Variants in PGAP1 observed in about 807,000 individuals in gnomAD.
PGAP1 encodes the protein GPI inositol-deacylase.
A neutral mutation model predicts 127.0 loss-of-function variants in PGAP1; 76 were observed. That is an observed-to-expected ratio of 0.60 (90% CI 0.50 to 0.72). PGAP1 has a LOEUF of 0.72. Among genes scored for constraint, PGAP1 ranks in the 30% least tolerant of loss-of-function variants. The pLI is 0.00. For missense variants in PGAP1, 982 were observed against 1,071.3 expected, an observed-to-expected ratio of 0.92 and a Z score of 1.16; for synonymous variants, 362 against 366.5, an observed-to-expected ratio of 0.99 and a Z score of 0.14.
At chr2:196,849,476 G>T (rs371037563) in intron 20 of PGAP1, among the ~76,000 whole-genome samples, 2 of 149,900 alleles carry the variant, frequency 1.3e-5, no homozygotes, top group Non-Finnish European at 3.0e-5. Flanking sequence ...GGGTTTCACC[G>T]TGTTAGCTAG....
intron 17 of PGAP1, 186 bp downstream of exon 17, chr2:196,872,774 T>C: frequency 1.8e-6 from 1 of 562,152 alleles, no homozygotes; most frequent in Admixed American, 3.5e-5. Flanking sequence ...TCCAAGGAAG[T>C]AAAGTTTAAG....
intron 19 of PGAP1, among the ~76,000 whole-genome samples, chr2:196,866,704 A>C (rs1259260655): frequency 6.6e-6 from 1 of 152,138 alleles, no homozygotes; most frequent in Non-Finnish European, 1.5e-5. Context: ...ATGGGGGAAA[A>C]TTTTTGCAAT....
At chr2:196,878,051 T>A (rs1156978585) in intron 13 of PGAP1, among the ~76,000 whole-genome samples, 1 of 152,048 alleles carries the variant, frequency 6.6e-6, no homozygotes, top group African/African-American at 2.4e-5. Context: ...CTGGGTGAAA[T>A]AGGAAAAGGG....
chr2:196,871,692 G>C (rs1044068549), intron 18 of PGAP1, among the ~76,000 whole-genome samples: 2 of 152,144 alleles, frequency 1.3e-5, no homozygotes, highest in Non-Finnish European at 2.9e-5. Context: ...AACTTGGCTG[G>C]AGGAACAGAT....
intron 19 of PGAP1, among the ~76,000 whole-genome samples, chr2:196,865,633 T>C (rs190703998): frequency 4.6e-5 from 7 of 152,316 alleles, no homozygotes; most frequent in Admixed American, 3.9e-4. Context: ...TATTAACTCA[T>C]ATATAACAAG....
chr2:196,926,329 C>G, intron 1 of PGAP1, 141 bp downstream of exon 1: 1 of 1,305,742 alleles, frequency 7.7e-7, no homozygotes, highest in Non-Finnish European at 1.0e-6. Context: ...AGAGTCTCCC[C>G]GGGCGGAGAA....
rs886881368 is a variant in PGAP1, at chr2:196,902,624, T to A, written c.768A>T (p.Leu256=). Reference sequence around the variant, plus strand: ...CACTGGTATGATGGCTTAATTTTGGTAGAAAAGTCAATCCTGAACGAACTT... The same window carrying A: ...CACTGGTATGATGGCTTAATTTTGGAAGAAAAGTCAATCCTGAACGAACTT... ...DYQVRSGLTF[L]PKLSHHTSAL... is the part of the protein sequence containing the mutation. Residue 256 remains leucine, a synonymous_variant, in exon 5 of 27, where the codon CTA becomes CTT. Transcript: ENST00000354764. The A allele has an allele frequency of 1.2e-5, 20 of 1,613,340 alleles. No individual in the cohort carries two copies. Among genetic ancestry groups the A allele is most frequent in the Non-Finnish European group, 1.7e-5 (20 of 1,179,770 alleles).
intron 13 of PGAP1, among the ~76,000 whole-genome samples, chr2:196,879,814 T>G (rs952250451): frequency 6.6e-6 from 1 of 152,196 alleles, no homozygotes; most frequent in Non-Finnish European, 1.5e-5. Context: ...TATGAATTAT[T>G]ATTATGTGCC....
chr2:196,873,471 A>G (rs1427314887), intron 16 of PGAP1, 57 bp downstream of exon 16: 2 of 1,306,120 alleles, frequency 1.5e-6, no homozygotes, highest in Non-Finnish European at 2.2e-6. Context: ...GTTAACACCT[A>G]TTGAGTCTTC....
At chr2:196,868,494 T>C (rs1315283365) in intron 19 of PGAP1, among the ~76,000 whole-genome samples, 2 of 152,244 alleles carry the variant, frequency 1.3e-5, no homozygotes, top group Non-Finnish European at 2.9e-5. Flanking sequence ...TAGTGCAGTA[T>C]TTCTTTAAAT....
intron 4 of PGAP1, among the ~76,000 whole-genome samples, chr2:196,907,288 G>A (rs1366727044): frequency 1.5e-4 from 1 of 6,798 alleles, no homozygotes; most frequent in South Asian, 3.6e-3. Context: ...GAGAGTGGGG[G>A]CCAATATTCA....
intron 20 of PGAP1, 42 bp downstream of exon 20, chr2:196,864,945 T>C (rs1412543019): frequency 9.0e-6 from 10 of 1,111,668 alleles, no homozygotes; most frequent in Non-Finnish European, 1.3e-5. Context: ...TCTACTTTAA[T>C]ATTCATAACA....
At chr2:196,895,881 A>G (rs1420785668) in intron 7 of PGAP1, among the ~76,000 whole-genome samples, 1 of 152,226 alleles carries the variant, frequency 6.6e-6, no homozygotes, top group East Asian at 1.9e-4. Flanking sequence ...CCGGGCTGCA[A>G]TGCTTTGCCA....
At chr2:196,861,977 A>G (rs1701083688) in intron 20 of PGAP1, among the ~76,000 whole-genome samples, 1 of 151,448 alleles carries the variant, frequency 6.6e-6, no homozygotes, top group South Asian at 2.1e-4. Context: ...TTAACTGCAC[A>G]AATTGTACAG....
rs192990117 is a variant in PGAP1 at position 196,879,371 on chromosome 2, C to T, written c.1350+705G>A. ...TCTGCTCCAGTTACATTTCTCTCCCCCTTCCCAATAGTATGTAGCTTTTTA... is the reference window on the plus strand; with the variant it reads ...TCTGCTCCAGTTACATTTCTCTCCCTCTTCCCAATAGTATGTAGCTTTTTA... On this transcript the variant is annotated intron_variant, in intron 13 of 26. Coordinates refer to ENST00000354764, the MANE Select transcript of PGAP1 (RefSeq NM_024989.4). 4.6e-5 allele frequency among the ~76,000 whole-genome samples: 7 copies of T among 152,242 alleles called. No individual in the cohort carries two copies. In the East Asian group the frequency reaches 1.2e-3, roughly 25 times the overall value.
Position 196,870,954 on chromosome 2 carries a change from T to G in PGAP1, c.1754A>C (p.Gln585Pro). The change falls in exon 19 of 27, where the codon CAA becomes CCA. Residue 585 changes from glutamine (Q) to proline (P), a missense_variant. Gln to Pro is a moderately conservative substitution (Grantham distance 76). Transcript: ENST00000354764. ...YEVTVKTSFSQILGQVVRFHG... is the reference protein window; with the variant it reads ...YEVTVKTSFSPILGQVVRFHG... Reference sequence around the variant, plus strand: ...AATCTCTCTTACCTGTCCAAGTATTTGTGAAAAGGAAGTCTTAACTGTCAC... The same window carrying G: ...AATCTCTCTTACCTGTCCAAGTATTGGTGAAAAGGAAGTCTTAACTGTCAC... 6.2e-7 allele frequency: 1 copy of G among 1,608,124 alleles called. No homozygotes were observed. The highest frequency in any genetic ancestry group is 8.5e-7 in the Non-Finnish European group (1 of 1,175,078).
intron 1 of PGAP1, among the ~76,000 whole-genome samples, chr2:196,925,701 A>G (rs1703335836): frequency 6.6e-6 from 1 of 152,146 alleles, no homozygotes; most frequent in African/African-American, 2.4e-5. Context: ...GAGAAAACAA[A>G]AATAGCACCA....
chr2:196,860,428 G>A (rs1701026980), intron 20 of PGAP1, among the ~76,000 whole-genome samples: 1 of 152,070 alleles, frequency 6.6e-6, no homozygotes, highest in African/African-American at 2.4e-5. Flanking sequence ...CAGCTATTCA[G>A]GAGGCTGAGA....
At chr2:196,914,939 C>T (rs971686342) in intron 3 of PGAP1, among the ~76,000 whole-genome samples, 4 of 151,820 alleles carry the variant, frequency 2.6e-5, no homozygotes, top group Admixed American at 2.0e-4. Flanking sequence ...ACCTCAGCCT[C>T]CCAAGTAGCT....
Sources: gnomAD v4.1 joint callset for allele counts (sites outside exome capture counted in the v4.1 genomes callset) on GRCh38, gnomAD v4.1.1 for gene constraint, MANE v1.5 for transcripts, NCBI Gene and HGNC (gene_info 2026-07-23, HGNC 2026-07-21) for gene names.